The following SLC3A1 variants were observed in gnomAD, a reference collection of about 807,000 sequenced individuals.
SLC3A1 encodes amino acid transporter heavy chain SLC3A1.
A neutral mutation model predicts 60.3 loss-of-function variants in SLC3A1; 78 were observed. That is an observed-to-expected ratio of 1.29 (90% CI 1.08 to 1.56). SLC3A1 has a LOEUF of 1.56. SLC3A1 is among the 40% of genes most tolerant of loss of function. The probability of loss-of-function intolerance (pLI) is 0.00; values close to 1 mark genes in which losing one functional copy is unlikely to be tolerated. For synonymous variants in SLC3A1, 392 were observed against 307.9 expected (o/e 1.27, Z -2.86); for missense variants, 1,172 against 858.9 (o/e 1.36, Z -4.56).
Position 44,320,619 on chromosome 2 carries a change from A to C in SLC3A1, c.2038A>C (p.Ile680Leu). 2.5e-6 allele frequency: 4 copies of C among 1,613,902 alleles called. No individual in the cohort carries two copies. Among genetic ancestry groups the C allele is most frequent in the Non-Finnish European group, 3.4e-6 (4 of 1,179,806 alleles). The change falls in exon 10 of 10, where the codon ATA becomes CTA. Residue 680 changes from isoleucine (I) to leucine (L), a missense_variant. Ile to Leu is a conservative substitution (Grantham distance 5, BLOSUM62 2). Coordinates refer to ENST00000260649, the MANE Select transcript of SLC3A1 (RefSeq NM_000341.4). ...AGCATGCTATTCCAGTGTACTGAAC[A>C]TACTGTATACCTCGTGTTAGGCACC... ...NRACYSSVLN[I>L]LYTSC
At chr2:44,321,825 A>G, downstream of SLC3A1, 2 of 1,613,830 alleles carry the variant, frequency 1.2e-6, no homozygotes, top group Non-Finnish European at 1.7e-6. Flanking sequence ...TTGATAACAT[A>G]CCTTTTTGTG....
intron 3 of SLC3A1, chr2:44,285,150 C>A (rs1029687385): frequency 2.0e-5 from 3 of 152,358 alleles, no homozygotes; most frequent in African/African-American, 7.2e-5. Flanking sequence ...ATCTCTTGCC[C>A]TGGTTGTGTC....
intron 3 of SLC3A1, chr2:44,284,953 A>C (rs930332013): frequency 5.3e-5 from 8 of 152,200 alleles, no homozygotes; most frequent in Non-Finnish European, 1.2e-4. Flanking sequence ...TACAGTAATT[A>C]TCTAATTCCT....
chr2:44,320,491 G>A lies in SLC3A1; in HGVS notation c.1910G>A (p.Gly637Asp), dbSNP rs896210706. 2 of 1,614,140 alleles carry A rather than the reference G, an allele frequency of 1.2e-6. No individual in the cohort carries two copies. Among genetic ancestry groups the A allele is most frequent in the South Asian group, 1.1e-5 (1 of 91,086 alleles). ...ADKGSKVDTSGIFLDKGEGLI... is the reference protein window; with the variant it reads ...ADKGSKVDTSDIFLDKGEGLI... ...AAAGGCAGTAAAGTTGATACAAGTG[G>A]CATTTTTCTGGACAAGGGAGAGGGA... The change falls in exon 10 of 10, where the codon GGC (glycine) becomes GAC (aspartate). Residue 637 changes from glycine (G) to aspartate (D), a missense_variant. By Grantham distance (94) the Gly-to-Asp change is moderately conservative (BLOSUM62 -1). Coordinates refer to ENST00000260649, the MANE Select transcript of SLC3A1 (RefSeq NM_000341.4).
intron 2 of SLC3A1, 132 bp from the exon 3 acceptor site, chr2:44,281,255 C>A: frequency 2.6e-6 from 2 of 757,198 alleles, no homozygotes; most frequent in Non-Finnish European, 4.5e-6. Context: ...ACCTCCTGGG[C>A]TCAAGCAATC....
rs546219789 is a variant in SLC3A1 at position 44,320,795 on chromosome 2, T to C, written c.*156T>C. The C allele has an allele frequency of 1.5e-3, 1,019 of 681,016 alleles. 4 individuals carry two copies. The highest frequency in any genetic ancestry group is 1.7e-3 in the Non-Finnish European group (689 of 395,380). 42.2% of individuals were successfully genotyped at this position (681,016 alleles called of 1,614,324 possible). A position where few individuals can be genotyped will look rare whatever the true frequency, so the allele number is the denominator to read the frequency against. ...TGCTTTAAGAAAGGTTCTCAAATGT[T>C]TTGAAAAAAATAAAATGTTTAAAAG... On this transcript the variant is annotated 3_prime_UTR_variant, in exon 10 of 10. Coordinates refer to ENST00000260649, the MANE Select transcript of SLC3A1 (RefSeq NM_000341.4).
chr2:44,319,480 T>C (rs185332435), intron 9 of SLC3A1: 7 of 151,992 alleles, frequency 4.6e-5, no homozygotes, highest in African/African-American at 1.7e-4. Context: ...CAACAGAATA[T>C]TGTCATTAAA....
downstream of SLC3A1, among the ~76,000 whole-genome samples, chr2:44,322,055 G>A (rs368555006): frequency 7.5e-4 from 114 of 152,186 alleles, 3 homozygotes; most frequent in African/African-American, 6.7e-4. Flanking sequence ...AAGATGGGAG[G>A]GGACAAGCAA....
downstream of SLC3A1, among the ~76,000 whole-genome samples, chr2:44,322,184 G>C (rs759909158): frequency 5.3e-5 from 8 of 152,170 alleles, no homozygotes; most frequent in South Asian, 2.1e-4. Context: ...TGGAATCTGA[G>C]AGTCTTATGC....
intron 6 of SLC3A1, among the ~76,000 whole-genome samples, chr2:44,303,484 G>A (rs79382307): frequency 0.055 from 8,346 of 151,890 alleles, 298 homozygotes; most frequent in South Asian, 0.16. Context: ...TTATCCACCT[G>A]CCTCGGCCTC....
intron 4 of SLC3A1, among the ~76,000 whole-genome samples, chr2:44,295,468 C>G (rs895248574): frequency 6.6e-6 from 1 of 152,152 alleles, no homozygotes; most frequent in Non-Finnish European, 1.5e-5. Flanking sequence ...ATCTGAAGCT[C>G]TCTTTTCCCT....
At chr2:44,317,129 A>G (rs1672494111) in intron 9 of SLC3A1, among the ~76,000 whole-genome samples, 1 of 152,174 alleles carries the variant, frequency 6.6e-6, no homozygotes, top group African/African-American at 2.4e-5. Context: ...GCTGTTCAGT[A>G]GCCATTAACC....
intron 1 of SLC3A1, among the ~76,000 whole-genome samples, chr2:44,276,536 G>T (rs534645754): frequency 6.6e-6 from 1 of 152,230 alleles, no homozygotes; most frequent in East Asian, 1.9e-4. Flanking sequence ...ATTAAGGATT[G>T]TTTAAAACCA....
intron 9 of SLC3A1, among the ~76,000 whole-genome samples, chr2:44,315,653 CA>C (rs70965350): frequency 1.7e-3 from 92 of 52,620 alleles, no homozygotes; most frequent in East Asian, 0.017. Flanking sequence ...AAGACCGCCT[CA>C]AAAAAAAAAA....
chr2:44,303,193 C>A (rs1672061046), intron 6 of SLC3A1, among the ~76,000 whole-genome samples: 1 of 151,230 alleles, frequency 6.6e-6, no homozygotes, highest in Non-Finnish European at 1.5e-5. Context: ...AAGAGTAAAA[C>A]TCTGTCTCAA....
intron 1 of SLC3A1, among the ~76,000 whole-genome samples, chr2:44,277,731 T>G (rs1671381885): frequency 6.6e-6 from 1 of 152,224 alleles, no homozygotes; most frequent in African/African-American, 2.4e-5. Flanking sequence ...TTCCTGGCCC[T>G]GCCTTCTTAA....
intron 3 of SLC3A1, among the ~76,000 whole-genome samples, chr2:44,284,125 G>A (rs1042465726): frequency 2.0e-5 from 3 of 152,054 alleles, no homozygotes; most frequent in Non-Finnish European, 4.4e-5. Flanking sequence ...TGTCGCCCAG[G>A]CTGGACTGCA....
At chr2:44,315,504 A>T (rs147206801) in intron 9 of SLC3A1, among the ~76,000 whole-genome samples, 1 of 6,822 alleles carries the variant, frequency 1.5e-4, no homozygotes, top group Non-Finnish European at 3.6e-4. Flanking sequence ...TACCCCCGCC[A>T]AAAAAAAAAA....
chr2:44,312,487 C>G, intron 7 of SLC3A1, 99 bp from the exon 8 acceptor site: 1 of 1,301,394 alleles, frequency 7.7e-7, no homozygotes, highest in Non-Finnish European at 1.1e-6. Context: ...GGTACCACAT[C>G]TACTTTGTTT....
Sources: gnomAD v4.1 joint callset for allele counts (sites outside exome capture counted in the v4.1 genomes callset) on GRCh38, gnomAD v4.1.1 for gene constraint, MANE v1.5 for transcripts, NCBI Gene and HGNC (gene_info 2026-07-23, HGNC 2026-07-21) for gene names.